Variants in ARSB observed in about 807,000 individuals in gnomAD.
The protein encoded by ARSB is N-acetylgalactosamine-4-sulfatase.
Under a neutral mutation model 50.9 loss-of-function variants are expected in ARSB, and 41 were observed. The ratio of observed to expected loss-of-function variants is 0.81; its 90% CI spans 0.63 to 1.04. The LOEUF (loss-of-function observed/expected upper bound fraction) is 1.04, where lower values mean the gene tolerates loss of function less well. Among genes scored for constraint, ARSB ranks in the 50% least tolerant of loss-of-function variants. ARSB has a pLI of 0.00. For missense variants in ARSB, 672 were observed against 693.3 expected (o/e 0.97, Z 0.35); for synonymous variants, 269 against 284.8 (o/e 0.94, Z 0.56).
chr5:78,834,599 A>C (rs1362286288), intron 6 of ARSB, among the ~76,000 whole-genome samples: 1 of 81,796 alleles, frequency 1.2e-5, no homozygotes, highest in African/African-American at 4.7e-5. Context: ...TTCATGGTAT[A>C]TATATGTGTA....
intron 4 of ARSB, among the ~76,000 whole-genome samples, chr5:78,899,335 T>C (rs1748703376): frequency 6.6e-6 from 1 of 152,224 alleles, no homozygotes; most frequent in African/African-American, 2.4e-5. Context: ...GACCTTTCTG[T>C]AGCTGGATAT....
chr5:78,915,267 C>A (rs547160397), intron 4 of ARSB, among the ~76,000 whole-genome samples: 7 of 152,072 alleles, frequency 4.6e-5, no homozygotes, highest in Non-Finnish European at 8.8e-5. Context: ...TTAAAATTGA[C>A]ACAATTTCTA....
intron 5 of ARSB, among the ~76,000 whole-genome samples, chr5:78,857,454 T>C (rs570275553): frequency 1.3e-5 from 2 of 152,346 alleles, no homozygotes; most frequent in East Asian, 3.9e-4. Flanking sequence ...TTGATTTTAT[T>C]TGTGAAATAA....
chr5:78,979,536 C>G (rs1178588302), intron 1 of ARSB, among the ~76,000 whole-genome samples: 2 of 152,200 alleles, frequency 1.3e-5, no homozygotes, highest in Non-Finnish European at 2.9e-5. Flanking sequence ...GGTGGAGCCA[C>G]GGAGGTGGCG....
At chr5:78,820,953 A>C (rs1744192430) in intron 6 of ARSB, among the ~76,000 whole-genome samples, 1 of 149,806 alleles carries the variant, frequency 6.7e-6, no homozygotes, top group Non-Finnish European at 1.5e-5. Context: ...AAAAAACCCC[A>C]CAACATTTTA....
intron 6 of ARSB, among the ~76,000 whole-genome samples, chr5:78,806,026 A>G (rs1239307910): frequency 6.6e-6 from 1 of 152,182 alleles, no homozygotes; most frequent in Non-Finnish European, 1.5e-5. Flanking sequence ...GACTAATACT[A>G]CCACCTACCT....
chr5:78,861,504 A>C (rs1018386205), intron 5 of ARSB, among the ~76,000 whole-genome samples: 6 of 152,244 alleles, frequency 3.9e-5, no homozygotes, highest in African/African-American at 1.4e-4. Flanking sequence ...AGAACCAAAC[A>C]CAAAAACTGT....
rs1158656161 is a variant in ARSB, at chr5:78,981,216, C to CTG, written c.312+3719_312+3720dup. ...CCGCCCGCCTCGGCCTCCCAAAGTG[C>CTG]TGGGATTACAGGCGTGAGCCACCGC... On this transcript the variant is annotated intron_variant, in intron 1 of 7. Transcript: ENST00000264914. 1.3e-3 allele frequency among the ~76,000 whole-genome samples: 6 copies of CTG among 4,668 alleles called. 1 individual carries two copies. The highest frequency in any genetic ancestry group is 3.4e-3 in the African/African-American group (1 of 290). 3.1% of individuals were successfully genotyped at this position (4,668 alleles called of 152,430 possible). A position where few individuals can be genotyped will look rare whatever the true frequency, so the allele number is the denominator to read the frequency against.
At chr5:78,805,831 G>A (rs780550140) in intron 6 of ARSB, among the ~76,000 whole-genome samples, 19 of 152,304 alleles carry the variant, frequency 1.2e-4, no homozygotes, top group Admixed American at 3.9e-4. Flanking sequence ...GGAACTGGTC[G>A]CGGTGCCGAA....
chr5:78,971,716 ATCC>A (rs1296158038), intron 1 of ARSB, among the ~76,000 whole-genome samples: 1 of 152,200 alleles, frequency 6.6e-6, no homozygotes, highest in Non-Finnish European at 1.5e-5. Flanking sequence ...CTCTTTCCAC[ATCC>A]TCCTAAAAGA....
intron 4 of ARSB, among the ~76,000 whole-genome samples, chr5:78,951,678 T>C (rs931883831): frequency 6.6e-6 from 1 of 152,176 alleles, no homozygotes; most frequent in Non-Finnish European, 1.5e-5. Flanking sequence ...CAGGGCTCAC[T>C]ATATTTCAGG....
chr5:78,965,205 T>G (rs1437020415), intron 2 of ARSB, among the ~76,000 whole-genome samples: 2 of 152,214 alleles, frequency 1.3e-5, no homozygotes, highest in African/African-American at 4.8e-5. Context: ...CTACCTAAAA[T>G]GATCTCAATT....
At chr5:78,844,672 G>A (rs763506981) in intron 5 of ARSB, among the ~76,000 whole-genome samples, 7 of 151,966 alleles carry the variant, frequency 4.6e-5, no homozygotes, top group Non-Finnish European at 8.8e-5. Context: ...CTTACATTTA[G>A]GTCTATGATC....
chr5:78,956,202 T>C (rs530264113), intron 3 of ARSB, among the ~76,000 whole-genome samples: 1 of 152,354 alleles, frequency 6.6e-6, no homozygotes, highest in South Asian at 2.1e-4. Context: ...AAATAAAGTA[T>C]TGATACATAC....
chr5:78,845,166 C>T (rs1038561399), intron 5 of ARSB, among the ~76,000 whole-genome samples: 3 of 152,074 alleles, frequency 2.0e-5, no homozygotes, highest in Non-Finnish European at 4.4e-5. Context: ...TTTCACTTAA[C>T]ATAGTGACCT....
intron 4 of ARSB, among the ~76,000 whole-genome samples, chr5:78,908,340 C>T (rs142841659): frequency 2.6e-5 from 4 of 152,206 alleles, no homozygotes; most frequent in African/African-American, 7.2e-5. Context: ...TTATCTAACA[C>T]AAAATAAACA....
At chr5:78,849,734 C>T (rs934363314) in intron 5 of ARSB, among the ~76,000 whole-genome samples, 1 of 145,394 alleles carries the variant, frequency 6.9e-6, no homozygotes, top group Non-Finnish European at 1.5e-5. Flanking sequence ...TCTTTTATTT[C>T]CTTGAGCAGT....
intron 2 of ARSB, among the ~76,000 whole-genome samples, chr5:78,964,819 G>A (rs1206764305): frequency 1.3e-5 from 2 of 151,776 alleles, no homozygotes; most frequent in South Asian, 2.1e-4. Context: ...TTCCTCATTC[G>A]CCTTTAGAAT....
At chr5:78,853,587 A>G (rs959179877) in intron 5 of ARSB, among the ~76,000 whole-genome samples, 1 of 152,194 alleles carries the variant, frequency 6.6e-6, no homozygotes, top group African/African-American at 2.4e-5. Flanking sequence ...CTCTCTTCAA[A>G]GCTGTCAGAC....
Sources: allele counts gnomAD v4.1 joint callset (sites outside exome capture counted in the v4.1 genomes callset), GRCh38; gene constraint gnomAD v4.1.1; transcripts MANE v1.5; gene names NCBI Gene and HGNC (gene_info 2026-07-23, HGNC 2026-07-21).